VPS4A: variants seen among roughly 807,000 people sequenced by gnomAD.
The protein encoded by VPS4A is vacuolar protein sorting-associated protein 4A.
Under a neutral mutation model 52.3 loss-of-function variants are expected in VPS4A, and 20 were observed. That is an observed-to-expected ratio of 0.38 (90% confidence interval 0.27 to 0.56). The LOEUF (loss-of-function observed/expected upper bound fraction) is 0.56. Ranked by LOEUF, VPS4A falls within the 20% of genes least tolerant of loss-of-function variation. VPS4A has a pLI of 0.72. For synonymous variants in VPS4A, 293 were observed against 227.7 expected (o/e 1.29, Z -2.58); for missense variants, 419 against 575.9 (o/e 0.73, Z 2.79).
At chr16:69,316,600 G>T (rs1965440645) in intron 3 of VPS4A, among the ~76,000 whole-genome samples, 1 of 152,182 alleles carries the variant, frequency 6.6e-6, no homozygotes, top group Middle Eastern at 3.2e-3. Flanking sequence ...GGTGCAGATG[G>T]TAGAGCCTCT....
At chr16:69,316,795 C>T (rs1387577503) in intron 3 of VPS4A, among the ~76,000 whole-genome samples, 1 of 152,210 alleles carries the variant, frequency 6.6e-6, no homozygotes, top group Non-Finnish European at 1.5e-5. Flanking sequence ...TGAGTGCCAG[C>T]TGCTGTGACT....
chr16:69,317,719 G>GGAGGCGGAGCTTGCAGT (rs1280175046), intron 3 of VPS4A, among the ~76,000 whole-genome samples: 1 of 152,082 alleles, frequency 6.6e-6, no homozygotes, highest in Non-Finnish European at 1.5e-5. Context: ...CGTGAACCCG[G>GGAGGCGGAGCTTGCAGT]GAGGCGGAGC....
At chr16:69,322,748 A>T in intron 10 of VPS4A, 48 bp downstream of exon 10, 2 of 1,566,952 alleles carry the variant, frequency 1.3e-6, no homozygotes, top group Non-Finnish European at 8.7e-7. Context: ...GAGCCCAGAA[A>T]ATTGAGGGTT....
chr16:69,311,471 C>T lies in VPS4A; in HGVS notation c.-41C>T. 7.7e-7 allele frequency: 1 copy of T among 1,294,800 alleles called. No individual in the cohort carries two copies. Among genetic ancestry groups the T allele is most frequent in the Middle Eastern group, 2.0e-4 (1 of 4,932 alleles). 80.2% of individuals were successfully genotyped at this position (1,294,800 alleles called of 1,614,324 possible). A position where few individuals can be genotyped will look rare whatever the true frequency, so the allele number is the denominator to read the frequency against. ...GCTCCCCGGGGCCGGACCGAGGCCG[C>T]AAGCAGCGCCGCGGGGTGTGGGGCG... On this transcript the variant is annotated 5_prime_UTR_variant, in exon 1 of 11. Transcript: ENST00000254950.
At position 69,314,852 on chromosome 16, in the gene VPS4A, G is replaced by A. The variant is rs573806946; in HGVS notation, c.22-1156G>A. Among the ~76,000 whole-genome samples, 85 of 152,282 alleles carry A rather than the reference G, an allele frequency of 5.6e-4. 1 individual carries two copies. In the East Asian group the frequency reaches 9.8e-3, roughly 18 times the overall value. On this transcript the variant is annotated intron_variant, in intron 1 of 10. Transcript: ENST00000254950. The stretch of plus-strand genomic sequence containing the variant: ...GGTGGGACTGCCTGCCTGGTAACTG[G>A]TGCCGGATCTGAGGAGGAGAATTCT...
chr16:69,317,333 CAG>C (rs1965449817), intron 3 of VPS4A, among the ~76,000 whole-genome samples: 2 of 152,224 alleles, frequency 1.3e-5, no homozygotes, highest in African/African-American at 2.4e-5. Context: ...GCTTTGGAGT[CAG>C]GGGCACATGC....
At chr16:69,318,999 G>A in intron 5 of VPS4A, 57 bp downstream of exon 5, 2 of 1,583,974 alleles carry the variant, frequency 1.3e-6, no homozygotes, top group Non-Finnish European at 8.6e-7. Context: ...CCGCAGGGCT[G>A]GCACTCCGAG....
intron 3 of VPS4A, among the ~76,000 whole-genome samples, 164 bp from the exon 4 acceptor site, chr16:69,318,486 G>A (rs912282941): frequency 6.6e-6 from 1 of 152,238 alleles, no homozygotes; most frequent in Non-Finnish European, 1.5e-5. Context: ...TGAGAGCATT[G>A]GCCCAAATGT....
rs1331917087 is a variant in VPS4A, at chr16:69,320,856, C to T, written c.851+87C>T. On this transcript the variant is annotated intron_variant, in intron 8 of 10. Coordinates refer to ENST00000254950, the MANE Select transcript of VPS4A (RefSeq NM_013245.3). This position sits in a 1 kb window ranked among gnomAD's most constrained non-coding sequence, Gnocchi z 4.2. ...CTGCTGCTGGCAGCCCGGGTGCAGCCTGGCCCCTTTTCCCTGGAGTCTTCC... is the reference window on the plus strand; with the variant it reads ...CTGCTGCTGGCAGCCCGGGTGCAGCTTGGCCCCTTTTCCCTGGAGTCTTCC... 2 of 1,396,440 alleles carry T rather than the reference C, an allele frequency of 1.4e-6. No individual in the cohort carries two copies. The highest frequency in any genetic ancestry group is 2.0e-6 in the Non-Finnish European group (2 of 1,013,102). The allele number at this position is 1,396,440 out of a possible 1,614,324, so 86.5% of individuals were successfully genotyped here.
rs1965438004 is a variant in VPS4A, at chr16:69,316,433, T to C, written c.281+61T>C. 17 of 1,589,648 alleles carry C rather than the reference T, an allele frequency of 1.1e-5. No individual in the cohort carries two copies. The East Asian group carries it at 3.6e-4, about 33-fold the overall frequency. ...CCTCCTCACGGCTCCCTATCATTCC[T>C]GGCGCTCATGCTGCCTTGGACTTCC... On this transcript the variant is annotated intron_variant, in intron 3 of 10. Coordinates refer to ENST00000254950, the MANE Select transcript of VPS4A (RefSeq NM_013245.3).
Position 69,318,804 on chromosome 16 carries a change from G to GC in VPS4A, c.344-17dup, listed in dbSNP as rs749319192. 3.8e-5 allele frequency: 61 copies of GC among 1,611,922 alleles called. No individual in the cohort carries two copies. The African/African-American group carries it at 7.2e-4, about 19-fold the overall frequency. ...GCCCCTTGGCCGGGCCCGGGCCCGG[G>GC]CCGGCCTCCCTCTCGCAGGTGCCGT... On this transcript the variant is annotated intron_variant, in intron 4 of 10. Coordinates refer to ENST00000254950, the MANE Select transcript of VPS4A (RefSeq NM_013245.3).
chr16:69,323,575 G>A lies in VPS4A; in HGVS notation c.1213-633G>A, dbSNP rs1022818511. ...TCAAGACTGTGACGCAGTTGCAAAG[G>A]CAGCGCCTCACCTGCATAGCCTGGC... On this transcript the variant is annotated intron_variant, in intron 10 of 10. Transcript: ENST00000254950. The A allele has an allele frequency of 7.3e-5, 33 of 452,662 alleles. No individual in the cohort carries two copies. The Admixed American group carries it at 7.9e-4, about 11-fold the overall frequency. The allele number at this position is 452,662 out of a possible 1,614,324, so 28.0% of individuals were successfully genotyped here. A position where few individuals can be genotyped will look rare whatever the true frequency, so the allele number is the denominator to read the frequency against.
In VPS4A at chr16:69,326,393, A is replaced by G. The variant is rs1965595871; in HGVS notation, c.*2084A>G. On this transcript the variant is annotated 3_prime_UTR_variant, in exon 11 of 11. Coordinates refer to ENST00000254950, the MANE Select transcript of VPS4A (RefSeq NM_013245.3). ...TCTTGGTTATGTGCCCTCAGCCACCAGGATATGAACCGTGTCTGCAGAGCT... is the reference window on the plus strand; with the variant it reads ...TCTTGGTTATGTGCCCTCAGCCACCGGGATATGAACCGTGTCTGCAGAGCT... 1 of 152,252 alleles carries G rather than the reference A, an allele frequency of 6.6e-6. No individual in the cohort carries two copies. The highest frequency in any genetic ancestry group is 2.4e-5 in the African/African-American group (1 of 41,466). The allele number at this position is 152,252 out of a possible 1,614,324, so 9.4% of individuals were successfully genotyped here. A position where few individuals can be genotyped will look rare whatever the true frequency, so the allele number is the denominator to read the frequency against.
At chr16:69,319,250 C>A in intron 5 of VPS4A, 137 bp from the exon 6 acceptor site, 1 of 1,284,254 alleles carries the variant, frequency 7.8e-7, no homozygotes, top group Non-Finnish European at 1.1e-6. Context: ...AATGTAGCTC[C>A]CATCACTTGT....
rs1965502635 is a variant in VPS4A at position 69,320,988 on chromosome 16, C to A, written c.852-63C>A. ...CCGTTTCACTCAAATCTTCGTGCCT[C>A]CCCTTCCGTGAATACCATTCCATCA... On this transcript the variant is annotated intron_variant, in intron 8 of 10. Transcript: ENST00000254950. This position sits in a 1 kb window ranked among gnomAD's most constrained non-coding sequence, Gnocchi z 4.2. The A allele has an allele frequency of 6.7e-7, 1 of 1,489,888 alleles. No homozygotes were observed. Among genetic ancestry groups the A allele is most frequent in the African/African-American group, 1.4e-5 (1 of 71,924 alleles). 92.3% of individuals were successfully genotyped at this position (1,489,888 alleles called of 1,614,324 possible). A position where few individuals can be genotyped will look rare whatever the true frequency, so the allele number is the denominator to read the frequency against.
At position 69,320,025 on chromosome 16, in the gene VPS4A, C is replaced by T. The variant is rs933010173; in HGVS notation, c.621-116C>T. The T allele has an allele frequency of 4.7e-5, 65 of 1,387,076 alleles. No homozygotes were observed. The highest frequency in any genetic ancestry group is 2.9e-4 in the Admixed American group (12 of 40,968). The allele number at this position is 1,387,076 out of a possible 1,614,324, so 85.9% of individuals were successfully genotyped here. ...CTCACCACCACGTTTTCCGCAATTC[C>T]GGCATGACCGTGGCCTGCGCCTCCC... On this transcript the variant is annotated intron_variant, in intron 6 of 10. Transcript: ENST00000254950. This position sits in a 1 kb window ranked among gnomAD's most constrained non-coding sequence, Gnocchi z 4.2.
At chr16:69,318,609 G>C (rs1965467959) in intron 3 of VPS4A, 41 bp from the exon 4 acceptor site, 1 of 1,579,256 alleles carries the variant, frequency 6.3e-7, no homozygotes, top group Non-Finnish European at 8.6e-7. Flanking sequence ...CTGTGCTCCA[G>C]GCTGAAGGGC....
chr16:69,319,614 G>A, intron 6 of VPS4A, 71 bp downstream of exon 6: 1 of 1,544,028 alleles, frequency 6.5e-7, no homozygotes. Flanking sequence ...CCCACCCTGT[G>A]GAGTCACCTC....
chr16:69,322,764 C>G, intron 10 of VPS4A, 64 bp downstream of exon 10: 1 of 1,543,968 alleles, frequency 6.5e-7, no homozygotes, highest in Non-Finnish European at 8.8e-7. Flanking sequence ...GGGTTTGGGT[C>G]CAGAATAAAA....
Sources: gnomAD v4.1 joint callset for allele counts (sites outside exome capture counted in the v4.1 genomes callset) on GRCh38, gnomAD v4.1.1 for gene constraint, Gnocchi (gnomAD v3.1) non-coding constraint, MANE v1.5 for transcripts, NCBI Gene and HGNC (gene_info 2026-07-23, HGNC 2026-07-21) for gene names.